FLAD1: variants seen among roughly 807,000 people sequenced by gnomAD.
FLAD1 encodes bifunctional FAD diphosphatase/FAD synthase.
In FLAD1, 35 loss-of-function variants were observed where a neutral mutation model predicts 55.0. That is an observed-to-expected ratio of 0.64 (90% CI 0.49 to 0.84). The LOEUF (loss-of-function observed/expected upper bound fraction) is 0.84. Among genes scored for constraint, FLAD1 ranks in the 40% least tolerant of loss-of-function variants. The pLI is 0.00. For synonymous variants in FLAD1, 267 were observed against 303.0 expected, an observed-to-expected ratio of 0.88 and a Z score of 1.23; for missense variants, 665 against 742.6, an observed-to-expected ratio of 0.90 and a Z score of 1.21.
chr1:154,984,708 CAAAA>C (rs201533169), intron 1 of FLAD1, among the ~76,000 whole-genome samples: 6 of 58,524 alleles, frequency 1.0e-4, no homozygotes, highest in Admixed American at 4.0e-4. Context: ...AACTCCGTCT[CAAAA>C]AAAAAAAAAA....
chr1:154,992,781 C>T lies in FLAD1; in HGVS notation c.1623C>T (p.Asp541=). 2 of 1,614,056 alleles carry T rather than the reference C, an allele frequency of 1.2e-6. No homozygotes were observed. Among genetic ancestry groups the T allele is most frequent in the Non-Finnish European group, 1.7e-6 (2 of 1,180,006 alleles). Residue 541 remains aspartate, a synonymous_variant, in exon 6 of 7, where the codon GAC becomes GAT. Transcript: ENST00000292180. ...QLFVPYCILY[D]RGYTSLGSRE... ...TTGTCCCATACTGTATCCTGTATGA[C>T]CGAGGGTAAGGGTATTAGGGGAAGG... is the stretch of plus-strand genomic sequence containing the variant.
intron 3 of FLAD1, 121 bp downstream of exon 3, chr1:154,989,828 C>T (rs1285794823): frequency 1.8e-6 from 2 of 1,084,396 alleles, no homozygotes; most frequent in East Asian, 2.5e-5. Context: ...GGTGACCTCT[C>T]AGTTCCATTC....
In FLAD1 at chr1:154,983,732, A is replaced by G. The variant is rs1657430863; in HGVS notation, c.38A>G (p.Gln13Arg). ...WDLGTRLFQR[Q>R]EQRSRLSRIW... ...TTGGGAACACGTTTATTCCAGAGGC[A>G]GGAACAAAGGAGTCGCTTGTCAAGG... Residue 13 changes from glutamine to arginine, a missense_variant, in exon 1 of 7, where the codon CAG becomes CGG. Coordinates refer to ENST00000292180, the MANE Select transcript of FLAD1 (RefSeq NM_025207.5). The G allele has an allele frequency of 6.2e-7, 1 of 1,613,756 alleles. No homozygotes were observed. The highest frequency in any genetic ancestry group is 1.3e-5 in the African/African-American group (1 of 74,938).
At chr1:154,986,054 T>A (rs1422664461) in intron 1 of FLAD1, among the ~76,000 whole-genome samples, 1 of 150,740 alleles carries the variant, frequency 6.6e-6, no homozygotes, top group Non-Finnish European at 1.5e-5. Context: ...TGTGTGTGTG[T>A]GTGACGGAGT....
In FLAD1 at chr1:154,988,494, C is replaced by G; in HGVS notation, c.762C>G (p.Phe254Leu). ...PLVSVRNVYLFPGIPELLRRV... is the reference protein window; with the variant it reads ...PLVSVRNVYLLPGIPELLRRV... ...TCTCCGTCCGAAACGTCTACCTCTT[C>G]CCAGGCATTCCAGAGCTGCTGCGGC... Residue 254 changes from phenylalanine (F) to leucine (L), a missense_variant, in exon 2 of 7, where the codon TTC (phenylalanine) becomes TTG (leucine). Transcript: ENST00000292180. 1 of 1,614,258 alleles carries G rather than the reference C, an allele frequency of 6.2e-7. No homozygotes were observed. The highest frequency in any genetic ancestry group is 1.7e-5 in the Admixed American group (1 of 60,030).
At position 154,983,458 on chromosome 1, in the gene FLAD1, G is replaced by C. The variant is rs1051875327; in HGVS notation, c.-237G>C. 5 of 432,536 alleles carry C rather than the reference G, an allele frequency of 1.2e-5. No individual in the cohort carries two copies. Among genetic ancestry groups the C allele is most frequent in the African/African-American group, 9.8e-5 (5 of 50,852 alleles). 26.8% of individuals were successfully genotyped at this position (432,536 alleles called of 1,614,324 possible). A position where few individuals can be genotyped will look rare whatever the true frequency, so the allele number is the denominator to read the frequency against. On this transcript the variant is annotated 5_prime_UTR_variant, in exon 1 of 7. Transcript: ENST00000292180. ...GGTGGGAAGAAGGGATTCTGGGCTA[G>C]AAAGGGTGCAGAAGCCTGAAGTAGA...
At chr1:154,987,126 C>T (rs1373856902) in intron 1 of FLAD1, among the ~76,000 whole-genome samples, 1 of 151,892 alleles carries the variant, frequency 6.6e-6, no homozygotes, top group East Asian at 1.9e-4. Flanking sequence ...CTCCCAGGCT[C>T]AAGCAGCCCA....
At position 154,990,388 on chromosome 1, in the gene FLAD1, G is replaced by A. The variant is rs760448873; in HGVS notation, c.1414G>A (p.Gly472Ser). 4 of 1,614,102 alleles carry A rather than the reference G, an allele frequency of 2.5e-6. No individual in the cohort carries two copies. In the Admixed American group the frequency reaches 6.7e-5, roughly 27 times the overall value. ...EAEGSMKQAL[G>S]ELQARHPQLE... The stretch of plus-strand genomic sequence containing the variant: ...TGAGGGCAGCATGAAGCAGGCCCTG[G>A]GTGAACTGCAGGCACGGCACCCCCA... The change falls in exon 5 of 7, where the codon GGT becomes AGT. Residue 472 changes from glycine (G) to serine (S), a missense_variant. Gly to Ser is a moderately conservative substitution (Grantham distance 56, BLOSUM62 0). Coordinates refer to ENST00000292180, the MANE Select transcript of FLAD1 (RefSeq NM_025207.5).
chr1:154,988,677 C>T lies in FLAD1; in HGVS notation c.945C>T (p.Asp315=), dbSNP rs147148002. 1 of 1,614,106 alleles carries T rather than the reference C, an allele frequency of 6.2e-7. No individual in the cohort carries two copies. The highest frequency in any genetic ancestry group is 8.5e-7 in the Non-Finnish European group (1 of 1,180,052). The change falls in exon 2 of 7, where the codon GAC becomes GAT. Residue 315 remains aspartate (D), a synonymous_variant. Transcript: ENST00000292180. ...GGCTTGGCCTGGGTTCCTACCCTGACTGGGGCAGCAACTACTATCAGGTGA... is the reference window on the plus strand; with the variant it reads ...GGCTTGGCCTGGGTTCCTACCCTGATTGGGGCAGCAACTACTATCAGGTGA... ...GRRLGLGSYP[D]WGSNYYQVKL...
rs778858864 is a variant in FLAD1 at position 154,983,971 on chromosome 1, A to G, written c.277A>G (p.Arg93Gly). 7.0e-6 allele frequency: 11 copies of G among 1,565,252 alleles called. No homozygotes were observed. Among genetic ancestry groups the G allele is most frequent in the Admixed American group, 3.9e-5 (2 of 50,706 alleles). The change falls in exon 1 of 7, where the codon AGA becomes GGA. Residue 93 changes from arginine to glycine, a missense_variant. Coordinates refer to ENST00000292180, the MANE Select transcript of FLAD1 (RefSeq NM_025207.5). ...CTACTGGAGGGCCTTGCAGAGGGGC[A>G]GAGAAGGCAGGACCATGACATCTAG... The part of the protein sequence containing the change: ...GGYWRALQRG[R>G]EGRTMTSRAS...
At chr1:154,991,225 A>ATATATATATATATATGTAT (rs61257175) in intron 5 of FLAD1, 2 of 83,170 alleles carry the variant, frequency 2.4e-5, no homozygotes, top group East Asian at 7.8e-4. Context: ...AAAAAAAAAA[A>ATATATATATATATATGTAT]ATATATATAT....
chr1:154,984,393 A>T (rs1657467323), intron 1 of FLAD1, among the ~76,000 whole-genome samples: 1 of 152,070 alleles, frequency 6.6e-6, no homozygotes, highest in Non-Finnish European at 1.5e-5. Flanking sequence ...CCTCGAGTAG[A>T]GGAGGTACAG....
chr1:154,988,904 G>C, intron 2 of FLAD1, 55 bp downstream of exon 2: 2 of 1,607,800 alleles, frequency 1.2e-6, no homozygotes, highest in East Asian at 4.5e-5. Context: ...TGGCACCCCA[G>C]ATCTCAGTAA....
intron 1 of FLAD1, chr1:154,987,736 A>C (rs1256748212): frequency 5.3e-6 from 2 of 376,188 alleles, no homozygotes; most frequent in Admixed American, 8.8e-5. Context: ...CAGGAATTCA[A>C]CACCAGCCTG....
chr1:154,990,311 C>G, intron 4 of FLAD1, 28 bp from the exon 5 acceptor site: 18 of 1,613,614 alleles, frequency 1.1e-5, no homozygotes, highest in Non-Finnish European at 1.5e-5. Context: ...GAGCCCACGC[C>G]CGACCCCTAC....
Position 154,988,460 on chromosome 1 carries a change from T to C in FLAD1, c.728T>C (p.Phe243Ser), listed in dbSNP as rs771215649. Reference sequence around the variant, plus strand: ...CCTTGCACTGGTCAACCTTTCAGATTCCCTCTGGTCTCCGTCCGAAACGTC... The same window carrying C: ...CCTTGCACTGGTCAACCTTTCAGATCCCCTCTGGTCTCCGTCCGAAACGTC... The part of the protein sequence containing the change: ...TDPCTGQPFR[F>S]PLVSVRNVYL... Residue 243 changes from phenylalanine to serine, a missense_variant, in exon 2 of 7, where the codon TTC becomes TCC. Physicochemically the swap from Phe to Ser is radical, Grantham distance 155. Coordinates refer to ENST00000292180, the MANE Select transcript of FLAD1 (RefSeq NM_025207.5). 6.2e-7 allele frequency: 1 copy of C among 1,614,092 alleles called. No homozygotes were observed. The highest frequency in any genetic ancestry group is 1.3e-5 in the African/African-American group (1 of 74,924).
intron 6 of FLAD1, 33 bp downstream of exon 6, chr1:154,992,819 G>A (rs778682307): frequency 1.9e-6 from 3 of 1,614,002 alleles, no homozygotes; most frequent in Admixed American, 3.3e-5. Context: ...ATGGGTAAGG[G>A]AGTTTTTAGG....
Position 154,983,716 on chromosome 1 carries a change from C to G in FLAD1, c.22C>G (p.Arg8Gly), listed in dbSNP as rs780381530. ...GGACATGGGTTGGGATTTGGGAACA[C>G]GTTTATTCCAGAGGCAGGAACAAAG... MGWDLGT[R>G]LFQRQEQRSR... The change falls in exon 1 of 7, where the codon CGT (arginine) becomes GGT (glycine). Residue 8 changes from arginine to glycine, a missense_variant. Physicochemically the swap from Arg to Gly is moderately radical, Grantham distance 125. Transcript: ENST00000292180. 2 of 1,612,476 alleles carry G rather than the reference C, an allele frequency of 1.2e-6. No homozygotes were observed. The highest frequency in any genetic ancestry group is 1.7e-6 in the Non-Finnish European group (2 of 1,178,970).
rs879171776 is a variant in FLAD1 at position 154,988,338 on chromosome 1, C to A, written c.606C>A (p.His202Gln). 6.2e-7 allele frequency: 1 copy of A among 1,614,188 alleles called. No homozygotes were observed. The highest frequency in any genetic ancestry group is 2.2e-5 in the East Asian group (1 of 44,882). Residue 202 changes from histidine (H) to glutamine (Q), a missense_variant, in exon 2 of 7, where the codon CAC (histidine) becomes CAA (glutamine). Coordinates refer to ENST00000292180, the MANE Select transcript of FLAD1 (RefSeq NM_025207.5). The stretch of plus-strand genomic sequence containing the variant: ...CCTTTGGAGATGAGCTGAAGCCACA[C>A]CCCAAGTTGGAAGCAGCCACCAAAG... ...AQAFGDELKP[H>Q]PKLEAATKAL...
Sources: allele counts gnomAD v4.1 joint callset (sites outside exome capture counted in the v4.1 genomes callset), GRCh38; gene constraint gnomAD v4.1.1; transcripts MANE v1.5; gene names NCBI Gene and HGNC (gene_info 2026-07-23, HGNC 2026-07-21).